The following TBC1D5 variants were observed in gnomAD, a reference collection of about 807,000 sequenced individuals.
TBC1D5 encodes TBC1 domain family member 5, also known as TBC1 domain family, member 5.
TBC1D5 carries 75 observed loss-of-function variants against 100.3 expected under a neutral mutation model. The observed-to-expected ratio is 0.75, with a 90% CI of 0.62 to 0.91. The LOEUF is 0.91. TBC1D5 is among the 40% of genes least tolerant of loss of function. The probability of loss-of-function intolerance (pLI) is 0.00; values close to 1 mark genes in which losing one functional copy is unlikely to be tolerated. For synonymous variants in TBC1D5, 323 were observed against 325.6 expected (o/e 0.99, Z 0.09); for missense variants, 910 against 942.4 (o/e 0.97, Z 0.45).
intron 15 of TBC1D5, among the ~76,000 whole-genome samples, chr3:17,270,011 A>G (rs1227382471): frequency 1.3e-5 from 2 of 152,186 alleles, no homozygotes; most frequent in Non-Finnish European, 2.9e-5. Flanking sequence ...GCATATACCC[A>G]GTAATGCGAT....
chr3:17,658,638 T>G (rs2066338864), intron 1 of TBC1D5, among the ~76,000 whole-genome samples: 1 of 152,200 alleles, frequency 6.6e-6, no homozygotes, highest in Non-Finnish European at 1.5e-5. Context: ...CAACCTTTTA[T>G]CTACTCTGAT....
intron 2 of TBC1D5, among the ~76,000 whole-genome samples, chr3:17,571,897 A>ACT (rs1464643109): frequency 6.6e-6 from 1 of 151,932 alleles, no homozygotes; most frequent in Non-Finnish European, 1.5e-5. Context: ...CCAAGGTCAT[A>ACT]CTCTCTCCAT....
rs116832662 is a variant in TBC1D5, at chr3:17,310,973, C to T, written c.996-2839G>A. On this transcript the variant is annotated intron_variant, in intron 13 of 21. Coordinates refer to ENST00000253692, the Ensembl canonical transcript of TBC1D5. ...AGTTCTTATATATATTCACAACACA[C>T]AAATTTCCTGTGCTATTTTGGGCTT... is the stretch of plus-strand genomic sequence containing the variant. 4.2e-3 allele frequency among the ~76,000 whole-genome samples: 646 copies of T among 152,062 alleles called. 4 individuals carry two copies. Among genetic ancestry groups the T allele is most frequent in the African/African-American group, 0.014 (581 of 41,542 alleles).
intron 2 of TBC1D5, among the ~76,000 whole-genome samples, chr3:17,623,275 CTGTCTA>C (rs1162920085): frequency 6.6e-6 from 1 of 152,308 alleles, no homozygotes; most frequent in East Asian, 1.9e-4. Flanking sequence ...AACACCAATA[CTGTCTA>C]TGTACAGACC....
intron 2 of TBC1D5, among the ~76,000 whole-genome samples, chr3:17,588,788 G>A: frequency 6.6e-6 from 1 of 152,176 alleles, no homozygotes; most frequent in South Asian, 2.1e-4. Context: ...ACTTCAATCT[G>A]CCAACAATAG....
rs1491127320 is a variant in TBC1D5 at position 17,251,438 on chromosome 3, C to CG, written c.1331+7067_1331+7068insC. On this transcript the variant is annotated intron_variant, in intron 16 of 21. Transcript: ENST00000253692. The stretch of plus-strand genomic sequence containing the variant: ...ATACTCACGGGAACCCCCCCCCCCC[C>CG]AGTAGAAGCGATTAGAAGTGGAGGT... Among the ~76,000 whole-genome samples the CG allele has an allele frequency of 2.6e-5, 3 of 113,272 alleles. 1 individual carries two copies. Among genetic ancestry groups the CG allele is most frequent in the East Asian group, 4.6e-4 (2 of 4,382 alleles). 74.3% of individuals were successfully genotyped at this position (113,272 alleles called of 152,430 possible).
chr3:17,692,515 A>G (rs2071323346), intron 1 of TBC1D5, among the ~76,000 whole-genome samples: 1 of 152,250 alleles, frequency 6.6e-6, no homozygotes, highest in African/African-American at 2.4e-5. Flanking sequence ...AAGAGCAGTC[A>G]AGAGATACAA....
rs541160316 is a variant in TBC1D5 at position 17,487,944 on chromosome 3, T to G, written c.97+20530A>C. ...CCACTATTAACATCTTCCATTAGTA[T>G]AGTGCATCTGTTACATGAATGTGCC... is the stretch of plus-strand genomic sequence containing the variant. On this transcript the variant is annotated intron_variant, in intron 3 of 21. Coordinates refer to ENST00000253692, the Ensembl canonical transcript of TBC1D5. 1.1e-3 allele frequency among the ~76,000 whole-genome samples: 162 copies of G among 152,346 alleles called. 1 individual carries two copies. The highest frequency in any genetic ancestry group is 3.8e-3 in the African/African-American group (157 of 41,592).
intron 2 of TBC1D5, among the ~76,000 whole-genome samples, chr3:17,606,025 C>T (rs762085630): frequency 6.6e-6 from 1 of 152,142 alleles, no homozygotes; most frequent in Non-Finnish European, 1.5e-5. Context: ...TAGACTAGAA[C>T]GCAAATAAAG....
chr3:17,331,205 G>C (rs947682487), intron 13 of TBC1D5, among the ~76,000 whole-genome samples: 1 of 152,076 alleles, frequency 6.6e-6, no homozygotes, highest in Non-Finnish European at 1.5e-5. Flanking sequence ...GGCTCTTCCT[G>C]GCTTTACCTG....
intron 3 of TBC1D5, among the ~76,000 whole-genome samples, chr3:17,459,885 A>G (rs1426326821): frequency 6.6e-6 from 1 of 152,254 alleles, no homozygotes; most frequent in Non-Finnish European, 1.5e-5. Context: ...TATGCTTTAC[A>G]GCAAATAGCA....
chr3:17,289,397 C>G (rs1246198119), intron 15 of TBC1D5, among the ~76,000 whole-genome samples: 4 of 152,018 alleles, frequency 2.6e-5, no homozygotes, highest in African/African-American at 9.7e-5. Context: ...GGCAGAGTGA[C>G]TGAGAGAGAT....
At chr3:17,351,428 A>G (rs1453323377) in intron 13 of TBC1D5, among the ~76,000 whole-genome samples, 2 of 152,198 alleles carry the variant, frequency 1.3e-5, no homozygotes, top group African/African-American at 4.8e-5. Flanking sequence ...TGTCCTTTTC[A>G]GCGACATGGA....
intron 13 of TBC1D5, among the ~76,000 whole-genome samples, chr3:17,336,789 C>T (rs1042090321): frequency 6.6e-6 from 1 of 151,726 alleles, no homozygotes; most frequent in Admixed American, 6.6e-5. Context: ...AAGAAAGCGT[C>T]GATGATATTA....
At chr3:17,325,361 C>T (rs146020325) in intron 13 of TBC1D5, among the ~76,000 whole-genome samples, 2,338 of 138,426 alleles carry the variant, frequency 0.017, 32 homozygotes, top group Non-Finnish European at 0.025. Flanking sequence ...CTTGCCCTGT[C>T]GCCCAGGCTG....
At chr3:17,683,503 GA>G (rs2069792100) in intron 1 of TBC1D5, among the ~76,000 whole-genome samples, 1 of 146,506 alleles carries the variant, frequency 6.8e-6, no homozygotes, top group African/African-American at 2.8e-5. Flanking sequence ...TGCTGTTTAA[GA>G]AAGATGACTA....
intron 3 of TBC1D5, among the ~76,000 whole-genome samples, chr3:17,446,490 G>C (rs372588667): frequency 6.6e-6 from 1 of 152,080 alleles, no homozygotes; most frequent in African/African-American, 2.4e-5. Context: ...GAGGAGTTTG[G>C]AAGAAAATAT....
At chr3:17,740,168 A>G (rs2077299044) in exon 1 of TBC1D5, 1 of 151,848 alleles carries the variant, frequency 6.6e-6, no homozygotes, top group South Asian at 2.1e-4. Context: ...AAAAGAACAT[A>G]CAAAATAAAA....
intron 3 of TBC1D5, among the ~76,000 whole-genome samples, chr3:17,470,546 G>A (rs1357013386): frequency 1.3e-5 from 2 of 152,130 alleles, no homozygotes; most frequent in East Asian, 3.9e-4. Flanking sequence ...TTAGAATAAT[G>A]GAGTGACTTA....
Sources: allele counts gnomAD v4.1 joint callset (sites outside exome capture counted in the v4.1 genomes callset), GRCh38; gene constraint gnomAD v4.1.1; transcripts MANE v1.5; gene names NCBI Gene and HGNC (gene_info 2026-07-23, HGNC 2026-07-21).